BPIFC: variants seen among roughly 807,000 people sequenced by gnomAD.
The protein encoded by BPIFC is BPI fold containing family C, also known as BPI fold-containing family C protein.
Under a neutral mutation model 57.6 loss-of-function variants are expected in BPIFC, and 60 were observed. The observed-to-expected ratio is 1.04, with a 90% CI of 0.85 to 1.29. The LOEUF is 1.29. Among genes scored for constraint, BPIFC ranks in the 50% most tolerant of loss-of-function variants. The pLI, the probability that BPIFC is intolerant of heterozygous loss-of-function variation, is 0.00. For synonymous variants in BPIFC, 243 were observed against 224.5 expected (o/e 1.08, Z -0.74); for missense variants, 581 against 600.5 (o/e 0.97, Z 0.34).
At chr22:32,423,204 G>A (rs1165706450) in intron 13 of BPIFC, among the ~76,000 whole-genome samples, 1 of 152,190 alleles carries the variant, frequency 6.6e-6, no homozygotes, top group Admixed American at 6.5e-5. Context: ...AAGTTTTAAA[G>A]GGAAGAATGT....
Position 32,464,435 on chromosome 22 carries a change from G to T in BPIFC, c.-150C>A. On this transcript the variant is annotated 5_prime_UTR_variant, in exon 1 of 17. Coordinates refer to ENST00000300399, the MANE Select transcript of BPIFC (RefSeq NM_174932.3). ...TTCGATTCTCTCTGCCTTTGAAGCT[G>T]ATGTGTTCTCCACCTTGCGCCTTAA... 2.0e-6 allele frequency: 2 copies of T among 985,332 alleles called. No individual in the cohort carries two copies. Among genetic ancestry groups the T allele is most frequent in the Non-Finnish European group, 2.4e-6 (2 of 829,914 alleles). 61.0% of individuals were successfully genotyped at this position (985,332 alleles called of 1,614,324 possible).
chr22:32,457,440 T>C, intron 2 of BPIFC, 54 bp from the exon 3 acceptor site: 1 of 1,566,136 alleles, frequency 6.4e-7, no homozygotes, highest in Non-Finnish European at 8.6e-7. Flanking sequence ...TTCTCTTTGG[T>C]CAATTAAATC....
At chr22:32,422,147 T>G (rs1467714899) in intron 13 of BPIFC, among the ~76,000 whole-genome samples, 1 of 152,138 alleles carries the variant, frequency 6.6e-6, no homozygotes, top group East Asian at 1.9e-4. Flanking sequence ...CAATGAAGGT[T>G]TTTTAAGAAA....
At chr22:32,437,626 A>G in intron 9 of BPIFC, 134 bp downstream of exon 9, 3 of 611,406 alleles carry the variant, frequency 4.9e-6, no homozygotes, top group South Asian at 2.1e-5. Context: ...CCTGGCCTCA[A>G]GTGATCCACC....
intron 13 of BPIFC, among the ~76,000 whole-genome samples, chr22:32,423,589 T>TGTGG (rs1433406811): frequency 2.0e-5 from 3 of 151,356 alleles, no homozygotes; most frequent in Middle Eastern, 3.4e-3. Flanking sequence ...TGTGTGTGTG[T>TGTGG]GTGTGTGTGT....
At chr22:32,430,024 T>C (rs1015795783) in intron 13 of BPIFC, among the ~76,000 whole-genome samples, 8 of 152,198 alleles carry the variant, frequency 5.3e-5, no homozygotes, top group African/African-American at 1.9e-4. Context: ...CTACCAGCTT[T>C]ATAGGGCTGA....
At chr22:32,416,982 C>T (rs1471744657) in intron 15 of BPIFC, 103 bp downstream of exon 15, 4 of 1,055,906 alleles carry the variant, frequency 3.8e-6, no homozygotes, top group African/African-American at 1.6e-5. Context: ...GATAGAAGTA[C>T]AAGCTTCAGG....
chr22:32,429,509 GTT>G (rs780948561), intron 13 of BPIFC, among the ~76,000 whole-genome samples: 1,829 of 56,170 alleles, frequency 0.033, 3 homozygotes, highest in African/African-American at 0.046. Flanking sequence ...ACTGGCCTTT[GTT>G]TTTTTTTTTT....
chr22:32,453,724 A>T (rs1231023076), intron 3 of BPIFC, among the ~76,000 whole-genome samples: 2 of 152,206 alleles, frequency 1.3e-5, no homozygotes, highest in Non-Finnish European at 2.9e-5. Context: ...CTAACATGAG[A>T]CATTTTCATT....
intron 1 of BPIFC, among the ~76,000 whole-genome samples, chr22:32,462,458 A>G (rs1251354524): frequency 6.6e-6 from 1 of 152,182 alleles, no homozygotes; most frequent in Non-Finnish European, 1.5e-5. Flanking sequence ...TATAATATAG[A>G]GCTCTCCATT....
In BPIFC at chr22:32,425,648, C is replaced by T. The variant is rs548271371; in HGVS notation, c.1217+5699G>A. Among the ~76,000 whole-genome samples the T allele has an allele frequency of 3.3e-5, 5 of 152,044 alleles. No individual in the cohort carries two copies. The South Asian group carries it at 8.3e-4, about 25-fold the overall frequency. On this transcript the variant is annotated intron_variant, in intron 13 of 16. Transcript: ENST00000300399. ...CTATTCTTTATTATTGGGCCTTTAC[C>T]GTCTATTAGGTCCCGTGCCAAGCCC... is the stretch of plus-strand genomic sequence containing the variant.
intron 2 of BPIFC, among the ~76,000 whole-genome samples, chr22:32,458,117 C>G (rs569640483): frequency 1.3e-5 from 2 of 152,150 alleles, no homozygotes; most frequent in South Asian, 2.1e-4. Context: ...GTGTAAACGC[C>G]GAAGTCATTT....
intron 8 of BPIFC, among the ~76,000 whole-genome samples, chr22:32,438,308 AAC>A (rs1445176994): frequency 6.6e-6 from 1 of 152,240 alleles, no homozygotes; most frequent in Non-Finnish European, 1.5e-5. Flanking sequence ...CAGAAGGCAA[AAC>A]TGCAGATAAG....
intron 14 of BPIFC, among the ~76,000 whole-genome samples, chr22:32,418,088 C>T (rs1220339243): frequency 1.3e-5 from 2 of 152,102 alleles, no homozygotes; most frequent in Admixed American, 1.3e-4. Context: ...ACAGAAGTGA[C>T]AATAACTGAA....
chr22:32,449,405 G>C (rs528366796), intron 4 of BPIFC, among the ~76,000 whole-genome samples: 66 of 152,336 alleles, frequency 4.3e-4, no homozygotes, highest in African/African-American at 1.1e-3. Context: ...ACATAAATGT[G>C]ATAGCTGATA....
chr22:32,461,401 G>A (rs763143898), intron 2 of BPIFC, among the ~76,000 whole-genome samples, 173 bp downstream of exon 2: 3 of 152,142 alleles, frequency 2.0e-5, no homozygotes, highest in Non-Finnish European at 2.9e-5. Flanking sequence ...TGGGAGGGTT[G>A]AGAGCTGAGG....
At chr22:32,464,204 T>C (rs758041290) in intron 1 of BPIFC, among the ~76,000 whole-genome samples, 170 bp downstream of exon 1, 1 of 152,198 alleles carries the variant, frequency 6.6e-6, no homozygotes, top group Non-Finnish European at 1.5e-5. Context: ...GGTGCGCATA[T>C]GTGACATCAC....
intron 13 of BPIFC, among the ~76,000 whole-genome samples, chr22:32,427,833 A>T (rs531637169): frequency 5.2e-4 from 79 of 152,234 alleles, no homozygotes; most frequent in African/African-American, 1.9e-3. Flanking sequence ...CTAAAACTAC[A>T]AAAATTAGCT....
At chr22:32,432,639 A>C in intron 11 of BPIFC, 96 bp from the exon 12 acceptor site, 1 of 1,188,936 alleles carries the variant, frequency 8.4e-7, no homozygotes, top group Non-Finnish European at 1.2e-6. Flanking sequence ...TAAATCTTAC[A>C]TTGTGCAGTT....
Sources: gnomAD v4.1 joint callset for allele counts (sites outside exome capture counted in the v4.1 genomes callset) on GRCh38, gnomAD v4.1.1 for gene constraint, MANE v1.5 for transcripts, NCBI Gene and HGNC (gene_info 2026-07-23, HGNC 2026-07-21) for gene names.